The following SLC24A3 variants were observed in gnomAD, a reference collection of about 807,000 sequenced individuals.
SLC24A3 encodes sodium/potassium/calcium exchanger 3.
SLC24A3 carries 28 observed loss-of-function variants against 75.8 expected under a neutral mutation model. That is an observed-to-expected ratio of 0.37 (90% CI 0.27 to 0.51). The LOEUF is 0.51. Among genes scored for constraint, SLC24A3 ranks in the 20% least tolerant of loss-of-function variants. The pLI, the probability that SLC24A3 is intolerant of heterozygous loss-of-function variation, is 0.94. For missense variants in SLC24A3, 663 were observed against 847.8 expected, an observed-to-expected ratio of 0.78 and a Z score of 2.71; for synonymous variants, 372 against 334.1, an observed-to-expected ratio of 1.11 and a Z score of -1.24.
intron 2 of SLC24A3, among the ~76,000 whole-genome samples, chr20:19,430,819 C>T (rs915845108): frequency 2.6e-5 from 4 of 152,104 alleles, no homozygotes; most frequent in Non-Finnish European, 4.4e-5. Flanking sequence ...CACACATGCA[C>T]GTGCACACAC....
chr20:19,375,393 A>G (rs1986067642), intron 2 of SLC24A3, among the ~76,000 whole-genome samples: 1 of 151,752 alleles, frequency 6.6e-6, no homozygotes, highest in Non-Finnish European at 1.5e-5. Context: ...TCCCTTATAC[A>G]CTCCATCATG....
chr20:19,576,687 C>G (rs2031140744), intron 3 of SLC24A3, among the ~76,000 whole-genome samples: 1 of 152,278 alleles, frequency 6.6e-6, no homozygotes, highest in Non-Finnish European at 1.5e-5. Context: ...TCTCATCCCC[C>G]TCGAAGCGTG....
intron 2 of SLC24A3, among the ~76,000 whole-genome samples, chr20:19,322,365 CCCTTCCTTCCTTCCTT>C (rs59240769): frequency 6.7e-4 from 54 of 80,070 alleles, no homozygotes; most frequent in East Asian, 9.8e-4. Flanking sequence ...TTCCTTCCTT[CCCTTCCTTCCTTCCTT>C]CCTTCCTTCC....
chr20:19,560,243 A>G (rs2030854495), intron 3 of SLC24A3, among the ~76,000 whole-genome samples: 1 of 152,186 alleles, frequency 6.6e-6, no homozygotes, highest in Non-Finnish European at 1.5e-5. Flanking sequence ...GATCCTGCGG[A>G]AGAGTCTCAG....
intron 3 of SLC24A3, among the ~76,000 whole-genome samples, chr20:19,557,915 A>C (rs1600279796): frequency 6.6e-6 from 1 of 152,200 alleles, no homozygotes. Flanking sequence ...GTTAGCAATA[A>C]TATCCCCCCT....
intron 3 of SLC24A3, among the ~76,000 whole-genome samples, chr20:19,518,056 G>A (rs932760515): frequency 2.6e-5 from 4 of 152,166 alleles, no homozygotes; most frequent in African/African-American, 9.7e-5. Flanking sequence ...TTTGTTCAGG[G>A]CAGGAGTAAA....
rs778046824 is a variant in SLC24A3 at position 19,696,015 on chromosome 20, C to CTT, written c.1492-765_1492-764dup. ...ATGGCTTTCCCCTTTTTTTCCTTTT[C>CTT]TTTTTTTTTTTTTTTTTTGTGAGAC... is the stretch of plus-strand genomic sequence containing the variant. On this transcript the variant is annotated intron_variant, in intron 13 of 16. Coordinates refer to ENST00000328041, the MANE Select transcript of SLC24A3 (RefSeq NM_020689.4). Among the ~76,000 whole-genome samples, 191 of 108,076 alleles carry CTT rather than the reference C, an allele frequency of 1.8e-3. 9 individuals carry two copies. Among genetic ancestry groups the CTT allele is most frequent in the East Asian group, 3.0e-3 (12 of 3,948 alleles). 70.9% of individuals were successfully genotyped at this position (108,076 alleles called of 152,430 possible).
intron 2 of SLC24A3, among the ~76,000 whole-genome samples, chr20:19,381,670 A>G (rs1986183972): frequency 6.6e-6 from 1 of 152,146 alleles, no homozygotes. Flanking sequence ...TCCGCTTTCA[A>G]TTTTCTTTCT....
intron 1 of SLC24A3, among the ~76,000 whole-genome samples, chr20:19,217,755 C>T (rs1376078130): frequency 6.6e-6 from 1 of 152,136 alleles, no homozygotes; most frequent in Non-Finnish European, 1.5e-5. Context: ...TTTTCCTCTG[C>T]TCCTCAAAAG....
At chr20:19,642,219 G>A (rs2032083964) in intron 6 of SLC24A3, among the ~76,000 whole-genome samples, 1 of 152,236 alleles carries the variant, frequency 6.6e-6, no homozygotes, top group African/African-American at 2.4e-5. Context: ...ATATCATTCA[G>A]AGGGGTCTGT....
intron 2 of SLC24A3, among the ~76,000 whole-genome samples, chr20:19,376,684 G>A (rs1308611010): frequency 6.6e-6 from 1 of 151,390 alleles, no homozygotes; most frequent in African/African-American, 2.4e-5. Flanking sequence ...AGTCAACCCT[G>A]TCCCTTTAAC....
intron 6 of SLC24A3, among the ~76,000 whole-genome samples, chr20:19,646,398 T>G (rs2032137402): frequency 6.6e-6 from 1 of 152,198 alleles, no homozygotes; most frequent in Non-Finnish European, 1.5e-5. Context: ...AAAAAATGAC[T>G]TGGTGTTTTC....
intron 2 of SLC24A3, among the ~76,000 whole-genome samples, chr20:19,364,762 G>C (rs918431205): frequency 3.3e-5 from 5 of 152,098 alleles, no homozygotes; most frequent in Admixed American, 3.3e-4. Context: ...GCCAAGAGTG[G>C]TTAACTTTCA....
chr20:19,444,084 G>T (rs1987340206), intron 2 of SLC24A3, among the ~76,000 whole-genome samples: 1 of 152,108 alleles, frequency 6.6e-6, no homozygotes, highest in Admixed American at 6.6e-5. Flanking sequence ...TGCATCTATT[G>T]ATAAGTTTAT....
Position 19,301,397 on chromosome 20 carries a change from CTT to C in SLC24A3, c.271+20312_271+20313del, listed in dbSNP as rs566371302. ...GTCATAAACTCTCAACACTCAGAGACTTTAAAAAAGCATGCAGCCCAGAAATC... is the reference window on the plus strand; with the variant it reads ...GTCATAAACTCTCAACACTCAGAGACTAAAAAAGCATGCAGCCCAGAAATC... On this transcript the variant is annotated intron_variant, in intron 2 of 16. Transcript: ENST00000328041. 2.1e-4 allele frequency among the ~76,000 whole-genome samples: 32 copies of C among 152,294 alleles called. No homozygotes were observed. In the South Asian group the frequency reaches 6.6e-3, roughly 32 times the overall value.
At chr20:19,498,999 G>T (rs951846884) in intron 2 of SLC24A3, among the ~76,000 whole-genome samples, 1 of 152,220 alleles carries the variant, frequency 6.6e-6, no homozygotes, top group Non-Finnish European at 1.5e-5. Context: ...AGGCCAGGGA[G>T]CCCCAGCTGT....
At chr20:19,290,911 T>TA (rs1307591682) in intron 2 of SLC24A3, among the ~76,000 whole-genome samples, 1 of 152,216 alleles carries the variant, frequency 6.6e-6, no homozygotes, top group Non-Finnish European at 1.5e-5. Context: ...GTTTCTTCAC[T>TA]CTATCTTGGA....
chr20:19,627,908 A>G (rs898431658), intron 6 of SLC24A3, among the ~76,000 whole-genome samples: 1 of 152,132 alleles, frequency 6.6e-6, no homozygotes. Context: ...TGAGAAGAAA[A>G]TACCCTCAGC....
intron 2 of SLC24A3, among the ~76,000 whole-genome samples, chr20:19,340,625 G>T (rs987585373): frequency 6.6e-6 from 1 of 152,150 alleles, no homozygotes; most frequent in Non-Finnish European, 1.5e-5. Context: ...GTGAAGAGAG[G>T]CCATTGACAA....
Sources: gnomAD v4.1 joint callset for allele counts (sites outside exome capture counted in the v4.1 genomes callset) on GRCh38, gnomAD v4.1.1 for gene constraint, MANE v1.5 for transcripts, NCBI Gene and HGNC (gene_info 2026-07-23, HGNC 2026-07-21) for gene names.